Variants in INTS1 observed in about 807,000 individuals in gnomAD.
INTS1 encodes integrator complex subunit 1.
In INTS1, 137 loss-of-function variants were observed where a neutral mutation model predicts 241.6. That is an observed-to-expected ratio of 0.57 (90% CI 0.49 to 0.65). The LOEUF is 0.65. Ranked by LOEUF, INTS1 falls within the 30% of genes least tolerant of loss-of-function variation. INTS1 has a pLI of 0.00. For missense variants in INTS1, 3,073 were observed against 3,032.2 expected (o/e 1.01, Z -0.32); for synonymous variants, 1,692 against 1,337.8 (o/e 1.26, Z -5.78).
At chr7:1,492,708 A>G (rs567419545) in intron 16 of INTS1, among the ~76,000 whole-genome samples, 1 of 152,236 alleles carries the variant, frequency 6.6e-6, no homozygotes, top group Non-Finnish European at 1.5e-5. Flanking sequence ...GACAACGGGG[A>G]AACAGCCCAC....
intron 16 of INTS1, among the ~76,000 whole-genome samples, chr7:1,492,764 C>T (rs1261943219): frequency 1.3e-5 from 2 of 152,168 alleles, no homozygotes; most frequent in African/African-American, 4.8e-5. Context: ...AGTCAAGGCC[C>T]GTAGTGGCCT....
chr7:1,487,700 A>G, intron 19 of INTS1, 60 bp downstream of exon 19: 1 of 1,583,678 alleles, frequency 6.3e-7, no homozygotes, highest in Admixed American at 1.7e-5. Flanking sequence ...TGTCCCACCC[A>G]CACCAACCAC....
At chr7:1,499,186 G>C in intron 7 of INTS1, 25 bp from the exon 8 acceptor site, 2 of 1,605,886 alleles carry the variant, frequency 1.2e-6, no homozygotes. Flanking sequence ...GGAGCGAGGA[G>C]GGAGGAAGGT....
At chr7:1,495,059 A>G (rs1425454098) in intron 13 of INTS1, among the ~76,000 whole-genome samples, 166 bp from the exon 14 acceptor site, 1 of 152,126 alleles carries the variant, frequency 6.6e-6, no homozygotes, top group Non-Finnish European at 1.5e-5. Flanking sequence ...GAACCCAGGG[A>G]CCACTCACGG....
chr7:1,480,239 T>C, intron 30 of INTS1, 78 bp downstream of exon 30: 1 of 1,483,918 alleles, frequency 6.7e-7, no homozygotes, highest in Non-Finnish European at 9.0e-7. Context: ...AAGGCCGCTG[T>C]GCGTGCGAGG....
intron 16 of INTS1, 33 bp downstream of exon 16, chr7:1,492,977 C>A (rs200423768): frequency 1.9e-6 from 3 of 1,548,634 alleles, no homozygotes; most frequent in Non-Finnish European, 2.7e-6. Context: ...CGGGCTTACC[C>A]GGGCGGGAGT....
At chr7:1,494,541 G>A in intron 14 of INTS1, 2 of 542,338 alleles carry the variant, frequency 3.7e-6, no homozygotes, top group Non-Finnish European at 3.3e-6. Flanking sequence ...GGACGCCCTG[G>A]AAGCAACTGG....
Position 1,493,090 on chromosome 7 carries a change from C to T in INTS1, c.2085G>A (p.Lys695=). The change falls in exon 16 of 48, where the codon AAG becomes AAA. Residue 695 remains lysine (K), a synonymous_variant. Coordinates refer to ENST00000404767, the MANE Select transcript of INTS1 (RefSeq NM_001080453.3). The surrounding 1 kb of genome is among the most constrained non-coding windows in gnomAD (Gnocchi z 5.3). ...CGTCGATCAGCTGGGTCCTCCCCAC[C>T]TTCAGCACCTCCACATCTAAGACCA... ...AVQADDVEVL[K]VGRTQLIDAV... 6.2e-7 allele frequency: 1 copy of T among 1,613,450 alleles called. No homozygotes were observed. The highest frequency in any genetic ancestry group is 8.5e-7 in the Non-Finnish European group (1 of 1,179,492).
rs759501380 is a variant in INTS1, at chr7:1,482,723, C to T, written c.3542-16G>A. Reference sequence around the variant, plus strand: ...CTGTCGTCGGCTTCAGGAAGGACAACGGGTGAGCAGCCTTCAGACCCACCG... The same window carrying T: ...CTGTCGTCGGCTTCAGGAAGGACAATGGGTGAGCAGCCTTCAGACCCACCG... On this transcript the variant is annotated splice_polypyrimidine_tract_variant and intron_variant, in intron 26 of 47. Coordinates refer to ENST00000404767, the MANE Select transcript of INTS1 (RefSeq NM_001080453.3). 2.8e-5 allele frequency: 45 copies of T among 1,611,318 alleles called. No individual in the cohort carries two copies. In the South Asian group the frequency reaches 3.3e-4, roughly 12 times the overall value.
At chr7:1,477,285 G>A (rs574307176) in intron 35 of INTS1, among the ~76,000 whole-genome samples, 2 of 152,260 alleles carry the variant, frequency 1.3e-5, no homozygotes, top group South Asian at 2.1e-4. Flanking sequence ...TGGCAGGGCC[G>A]ACCCCACCCC....
intron 16 of INTS1, among the ~76,000 whole-genome samples, chr7:1,490,290 G>C (rs1350636458): frequency 6.6e-6 from 1 of 152,208 alleles, no homozygotes; most frequent in African/African-American, 2.4e-5. Context: ...GCTACTGAAA[G>C]GGTGTCAGCT....
At chr7:1,487,603 CAGT>C in intron 19 of INTS1, 154 bp from the exon 20 acceptor site, 1 of 1,281,768 alleles carries the variant, frequency 7.8e-7, no homozygotes, top group Non-Finnish European at 1.1e-6. Flanking sequence ...GGCCCCACAG[CAGT>C]AAGCCAGGGA....
At position 1,471,701 on chromosome 7, in the gene INTS1, C is replaced by A. The variant is rs919109980; in HGVS notation, c.6185-60G>T. Reference sequence around the variant, plus strand: ...GGCCCAGGCAGACCTCTGCCCACCCCACCCCAGCCACCCAGAGGGGGCAAG... The same window carrying A: ...GGCCCAGGCAGACCTCTGCCCACCCAACCCCAGCCACCCAGAGGGGGCAAG... On this transcript the variant is annotated intron_variant, in intron 44 of 47. Coordinates refer to ENST00000404767, the MANE Select transcript of INTS1 (RefSeq NM_001080453.3). The A allele has an allele frequency of 9.4e-5, 143 of 1,528,816 alleles. No homozygotes were observed. In the East Asian group the frequency reaches 2.9e-3, roughly 31 times the overall value. The allele number at this position is 1,528,816 out of a possible 1,614,324, so 94.7% of individuals were successfully genotyped here. A position where few individuals can be genotyped will look rare whatever the true frequency, so the allele number is the denominator to read the frequency against.
At chr7:1,471,331 G>A in intron 45 of INTS1, 107 bp from the exon 46 acceptor site, 4 of 1,210,588 alleles carry the variant, frequency 3.3e-6, no homozygotes, top group Non-Finnish European at 4.7e-6. Flanking sequence ...AGGGACCCTA[G>A]GCCCCTATCC....
rs780283672 is a variant in INTS1 at position 1,495,414 on chromosome 7, T to C, written c.1832+19A>G. 58 of 1,603,208 alleles carry C rather than the reference T, an allele frequency of 3.6e-5. No individual in the cohort carries two copies. The Middle Eastern group carries it at 5.4e-4, about 15-fold the overall frequency. On this transcript the variant is annotated intron_variant, in intron 13 of 47. Coordinates refer to ENST00000404767, the MANE Select transcript of INTS1 (RefSeq NM_001080453.3). ...TCAGTGGGGTGTGGGACAGGGGCTG[T>C]ACAGGGCCCCAGCCGCACCAGTGCA...
rs932264030 is a variant in INTS1, at chr7:1,493,685, G to C, written c.2068+69C>G. The stretch of plus-strand genomic sequence containing the variant: ...TGGAGCGCCCCAGAGGTGCGTGCCA[G>C]AGCCGGGGTTTCTGCAGGGACGAGG... On this transcript the variant is annotated intron_variant, in intron 15 of 47. Transcript: ENST00000404767. The surrounding 1 kb of genome is among the most constrained non-coding windows in gnomAD (Gnocchi z 5.3). 1 of 1,494,220 alleles carries C rather than the reference G, an allele frequency of 6.7e-7. No individual in the cohort carries two copies. 92.6% of individuals were successfully genotyped at this position (1,494,220 alleles called of 1,614,324 possible). A position where few individuals can be genotyped will look rare whatever the true frequency, so the allele number is the denominator to read the frequency against.
rs1237044883 is a variant in INTS1, at chr7:1,485,571, GA to G, written c.2977-103del. ...CATGGTGCCCTCAGAGCCCCGAGGA[GA>G]ATGTGGCGCTTGCTTCCCACGGGAG... On this transcript the variant is annotated intron_variant, in intron 22 of 47. Transcript: ENST00000404767. The G allele has an allele frequency of 7.2e-6, 9 of 1,257,834 alleles. No individual in the cohort carries two copies. In the Admixed American group the frequency reaches 2.2e-4, roughly 31 times the overall value. 77.9% of individuals were successfully genotyped at this position (1,257,834 alleles called of 1,614,324 possible).
chr7:1,480,271 G>C, intron 30 of INTS1, 46 bp downstream of exon 30: 1 of 1,566,076 alleles, frequency 6.4e-7, no homozygotes, highest in Non-Finnish European at 8.7e-7. Flanking sequence ...GCTGCACGCA[G>C]GAAGAGGGGC....
rs1781754283 is a variant in INTS1, at chr7:1,476,918, C to T, written c.4939G>A (p.Gly1647Ser). The part of the protein sequence containing the change: ...QLRLLFSRRK[G>S]KGQAQVPSFR... ...GAGGGCACCTGGGCCTGACCTTTGC[C>T]CTGGGGAGGGAGGAAGAAGCCCGGA... is the stretch of plus-strand genomic sequence containing the variant. The change falls in exon 36 of 48, where the codon GGC becomes AGC. Residue 1647 changes from glycine (G) to serine (S), a missense_variant and splice_region_variant. Transcript: ENST00000404767. 6.2e-7 allele frequency: 1 copy of T among 1,609,808 alleles called. No homozygotes were observed. Among genetic ancestry groups the T allele is most frequent in the Admixed American group, 1.7e-5 (1 of 59,704 alleles).
Sources: allele counts gnomAD v4.1 joint callset (sites outside exome capture counted in the v4.1 genomes callset), GRCh38; gene constraint gnomAD v4.1.1; non-coding constraint Gnocchi (gnomAD v3.1); transcripts MANE v1.5; gene names NCBI Gene and HGNC (gene_info 2026-07-23, HGNC 2026-07-21).